The following GALNT15 variants were observed in gnomAD, a reference collection of about 807,000 sequenced individuals.
GALNT15 encodes UDP-GalNAc transferase T15.
Under a neutral mutation model 66.8 loss-of-function variants are expected in GALNT15, and 67 were observed. The observed-to-expected ratio is 1.00, with a 90% CI of 0.82 to 1.23. GALNT15 has a LOEUF of 1.23. Among genes scored for constraint, GALNT15 ranks in the 50% most tolerant of loss-of-function variants. The pLI is 0.00. For synonymous variants in GALNT15, 313 were observed against 311.5 expected, an observed-to-expected ratio of 1.00 and a Z score of -0.05; for missense variants, 827 against 804.3, an observed-to-expected ratio of 1.03 and a Z score of -0.34.
chr3:16,239,171 C>T, the GALNT15 span, among the ~76,000 whole-genome samples: 1 of 152,136 alleles, frequency 6.6e-6, no homozygotes, highest in Non-Finnish European at 1.5e-5. This position sits in a 1 kb window ranked among gnomAD's most constrained non-coding sequence, Gnocchi z 5.2. Context: ...CAAGATCTTT[C>T]CCAGAAGCCC....
chr3:16,206,488 C>T (rs2063757902), intron 3 of GALNT15, among the ~76,000 whole-genome samples: 1 of 151,484 alleles, frequency 6.6e-6, no homozygotes, highest in Non-Finnish European at 1.5e-5. Flanking sequence ...TCCTGGCTAA[C>T]ACGGTGAAAA....
At position 16,175,347 on chromosome 3, in the gene GALNT15, G is replaced by A; in HGVS notation, c.196G>A (p.Asp66Asn). ...RYRLDFGESQ[D>N]WVLEAEDEGE... ...CCGCCTGGACTTTGGGGAATCCCAG[G>A]ATTGGGTACTGGAAGCTGAGGATGA... is the stretch of plus-strand genomic sequence containing the variant. Residue 66 changes from aspartate (D) to asparagine (N), a missense_variant, in exon 1 of 10, where the codon GAT becomes AAT. Transcript: ENST00000339732. This position sits in a 1 kb window ranked among gnomAD's most constrained non-coding sequence, Gnocchi z 5.6. 1 of 1,614,208 alleles carries A rather than the reference G, an allele frequency of 6.2e-7. No homozygotes were observed. The highest frequency in any genetic ancestry group is 1.1e-5 in the South Asian group (1 of 91,076).
Position 16,200,895 on chromosome 3 carries a change from C to A in GALNT15, c.911+72C>A. On this transcript the variant is annotated intron_variant, in intron 3 of 9. Coordinates refer to ENST00000339732, the MANE Select transcript of GALNT15 (RefSeq NM_054110.5). The surrounding 1 kb of genome is among the most constrained non-coding windows in gnomAD (Gnocchi z 4.4). ...AACAGTCTACAGCATCAGCCACTCA[C>A]AGAGCAACCCACCTATTAATTCCTG... 1.7e-6 allele frequency: 2 copies of A among 1,144,394 alleles called. No homozygotes were observed. Among genetic ancestry groups the A allele is most frequent in the South Asian group, 1.6e-5 (1 of 61,722 alleles). The allele number at this position is 1,144,394 out of a possible 1,614,324, so 70.9% of individuals were successfully genotyped here. A position where few individuals can be genotyped will look rare whatever the true frequency, so the allele number is the denominator to read the frequency against.
Position 16,186,882 on chromosome 3 carries a change from CTTTATA to C in GALNT15, c.540-8877_540-8872del, listed in dbSNP as rs2063521999. Among the ~76,000 whole-genome samples, 1 of 152,066 alleles carries C rather than the reference CTTTATA, an allele frequency of 6.6e-6. No individual in the cohort carries two copies. The highest frequency in any genetic ancestry group is 1.5e-5 in the Non-Finnish European group (1 of 68,010). ...TTAGACAGTGGTGATGGCTGCACAC[CTTTATA>C]CTTGAATCCATGGAATTGTACACTT... On this transcript the variant is annotated intron_variant, in intron 1 of 9. Transcript: ENST00000339732. This position sits in a 1 kb window ranked among gnomAD's most constrained non-coding sequence, Gnocchi z 5.1.
rs1357778738 is a variant in GALNT15 at position 16,209,674 on chromosome 3, T to C, written c.1079+1004T>C. ...CTCTACTAAAATTACAAAAAAAAATTAGCTGGGCATGGTAGCACACTCCTG... is the reference window on the plus strand; with the variant it reads ...CTCTACTAAAATTACAAAAAAAAATCAGCTGGGCATGGTAGCACACTCCTG... On this transcript the variant is annotated intron_variant, in intron 4 of 9. Coordinates refer to ENST00000339732, the MANE Select transcript of GALNT15 (RefSeq NM_054110.5). This position sits in a 1 kb window ranked among gnomAD's most constrained non-coding sequence, Gnocchi z 4.1. 2.0e-5 allele frequency among the ~76,000 whole-genome samples: 3 copies of C among 151,954 alleles called. No homozygotes were observed. The highest frequency in any genetic ancestry group is 7.3e-5 in the African/African-American group (3 of 41,362).
Position 16,176,133 on chromosome 3 carries a change from G to T in GALNT15, c.539+443G>T, listed in dbSNP as rs371720269. ...CTGACTCCACTACATTTTGATTTTA[G>T]GGTTATTGTTAGTGTTTGCTTTTAG... On this transcript the variant is annotated intron_variant, in intron 1 of 9. Coordinates refer to ENST00000339732, the MANE Select transcript of GALNT15 (RefSeq NM_054110.5). The surrounding 1 kb of genome is among the most constrained non-coding windows in gnomAD (Gnocchi z 5.6). Among the ~76,000 whole-genome samples the T allele has an allele frequency of 1.3e-5, 2 of 152,286 alleles. No individual in the cohort carries two copies. The highest frequency in any genetic ancestry group is 3.9e-4 in the East Asian group (2 of 5,188).
chr3:16,227,694 TA>T lies in GALNT15; in HGVS notation c.*209del, dbSNP rs4035393. 66,288 of 1,217,606 alleles carry T rather than the reference TA, an allele frequency of 0.054. 113 individuals carry two copies. Among genetic ancestry groups the T allele is most frequent in the African/African-American group, 0.094 (5,943 of 62,924 alleles). 75.4% of individuals were successfully genotyped at this position (1,217,606 alleles called of 1,614,324 possible). ...TTATTTCATTGACTGCTGGCTGCTTTAAAAAAAAAAAAAAAGGATCCATTGT... is the reference window on the plus strand; with the variant it reads ...TTATTTCATTGACTGCTGGCTGCTTTAAAAAAAAAAAAAAGGATCCATTGT... On this transcript the variant is annotated 3_prime_UTR_variant, in exon 10 of 10. Transcript: ENST00000339732. This position sits in a 1 kb window ranked among gnomAD's most constrained non-coding sequence, Gnocchi z 4.5.
downstream of GALNT15, among the ~76,000 whole-genome samples, chr3:16,232,857 G>T (rs1474374370): frequency 4.0e-5 from 6 of 151,782 alleles, no homozygotes; most frequent in African/African-American, 1.5e-4. Flanking sequence ...GTAGGTCTGT[G>T]TGGGGCGTGA....
chr3:16,202,771 T>G (rs187240465), intron 3 of GALNT15, among the ~76,000 whole-genome samples: 1 of 152,328 alleles, frequency 6.6e-6, no homozygotes, highest in Admixed American at 6.5e-5. Flanking sequence ...TCCCATCTGA[T>G]TCCCATTCTG....
rs7609818 is a variant in GALNT15, at chr3:16,181,540, G to A, written c.539+5850G>A. Among the ~76,000 whole-genome samples, 245 of 152,166 alleles carry A rather than the reference G, an allele frequency of 1.6e-3. 9 individuals carry two copies. Among genetic ancestry groups the A allele is most frequent in the Non-Finnish European group, 1.8e-3 (122 of 68,004 alleles). On this transcript the variant is annotated intron_variant, in intron 1 of 9. Coordinates refer to ENST00000339732, the MANE Select transcript of GALNT15 (RefSeq NM_054110.5). The surrounding 1 kb of genome is among the most constrained non-coding windows in gnomAD (Gnocchi z 5.9). Reference sequence around the variant, plus strand: ...AGTAGAAGATGGTGTTGCAATCCACGCGGGGTCCACTCAGTTCCCTGTGAA... The same window carrying A: ...AGTAGAAGATGGTGTTGCAATCCACACGGGGTCCACTCAGTTCCCTGTGAA...
At position 16,200,738 on chromosome 3, in the gene GALNT15, G is replaced by A. The variant is rs1336664374; in HGVS notation, c.826G>A (p.Gly276Arg). 43 of 1,612,698 alleles carry A rather than the reference G, an allele frequency of 2.7e-5. No homozygotes were observed. The highest frequency in any genetic ancestry group is 3.6e-5 in the Non-Finnish European group (42 of 1,179,506). ...ARMLGATRAT[G>R]DVLVFMDAHC... is the part of the protein sequence containing the mutation. ...GATGCTGGGGGCCACCAGAGCCACC[G>A]GGGATGTGCTCGTCTTCATGGATGC... The change falls in exon 3 of 10, where the codon GGG becomes AGG. Residue 276 changes from glycine to arginine, a missense_variant. Coordinates refer to ENST00000339732, the MANE Select transcript of GALNT15 (RefSeq NM_054110.5). This position sits in a 1 kb window ranked among gnomAD's most constrained non-coding sequence, Gnocchi z 4.4.
chr3:16,208,992 C>A (rs2063785626), intron 4 of GALNT15, among the ~76,000 whole-genome samples: 1 of 152,102 alleles, frequency 6.6e-6, no homozygotes, highest in Admixed American at 6.6e-5. Flanking sequence ...CAGTTAATGC[C>A]CCAGTGTGTG....
chr3:16,190,374 G>C (rs1471130132), intron 1 of GALNT15, among the ~76,000 whole-genome samples: 8 of 152,140 alleles, frequency 5.3e-5, no homozygotes, highest in African/African-American at 1.2e-4. Flanking sequence ...CATGGTGGCT[G>C]ACGCCTGTAA....
Position 16,227,580 on chromosome 3 carries a change from T to C in GALNT15, c.*80T>C. ...GAACTTAAAGAGCTTATATATTTCA[T>C]GAAGCTGATCCTTTTGTGTGTGTGC... is the stretch of plus-strand genomic sequence containing the variant. On this transcript the variant is annotated 3_prime_UTR_variant, in exon 10 of 10. Transcript: ENST00000339732. The surrounding 1 kb of genome is among the most constrained non-coding windows in gnomAD (Gnocchi z 4.5). 4.3e-6 allele frequency: 7 copies of C among 1,610,396 alleles called. No individual in the cohort carries two copies. Among genetic ancestry groups the C allele is most frequent in the Non-Finnish European group, 5.1e-6 (6 of 1,178,936 alleles).
Position 16,187,163 on chromosome 3 carries a change from C to A in GALNT15, c.540-8597C>A, listed in dbSNP as rs2063526078. ...CCTGTAATCCCAGCTACTCAGGAGG[C>A]TGAGGTGGGAGAATCGCCTGAACCT... On this transcript the variant is annotated intron_variant, in intron 1 of 9. Transcript: ENST00000339732. This position sits in a 1 kb window ranked among gnomAD's most constrained non-coding sequence, Gnocchi z 5.1. 6.6e-6 allele frequency among the ~76,000 whole-genome samples: 1 copy of A among 152,048 alleles called. No homozygotes were observed. The highest frequency in any genetic ancestry group is 2.4e-5 in the African/African-American group (1 of 41,390).
chr3:16,242,161 C>T, the GALNT15 span, among the ~76,000 whole-genome samples: 1 of 152,232 alleles, frequency 6.6e-6, no homozygotes, highest in Non-Finnish European at 1.5e-5. This position sits in a 1 kb window ranked among gnomAD's most constrained non-coding sequence, Gnocchi z 5.6. Context: ...TCTCCTCCAG[C>T]ATACTCCTTT....
Position 16,227,618 on chromosome 3 carries a change from G to A in GALNT15, c.*118G>A. 6.4e-7 allele frequency: 1 copy of A among 1,557,796 alleles called. No homozygotes were observed. Among genetic ancestry groups the A allele is most frequent in the Non-Finnish European group, 8.6e-7 (1 of 1,160,042 alleles). On this transcript the variant is annotated 3_prime_UTR_variant, in exon 10 of 10. Coordinates refer to ENST00000339732, the MANE Select transcript of GALNT15 (RefSeq NM_054110.5). This position sits in a 1 kb window ranked among gnomAD's most constrained non-coding sequence, Gnocchi z 4.5. The stretch of plus-strand genomic sequence containing the variant: ...TTTGTGTGTGTGCTCCTGGTGTTAG[G>A]AGAGAAAAAAGCTCTATGAAAGAAT...
intron 6 of GALNT15, among the ~76,000 whole-genome samples, chr3:16,218,708 G>A (rs1365475932): frequency 6.6e-6 from 1 of 151,362 alleles, no homozygotes; most frequent in Non-Finnish European, 1.5e-5. Context: ...GAGGCCCCTC[G>A]TAGTTTCTCC....
intron 3 of GALNT15, 77 bp from the exon 4 acceptor site, chr3:16,208,426 A>T (rs2063779957): frequency 6.8e-7 from 1 of 1,462,266 alleles, no homozygotes; most frequent in African/African-American, 1.4e-5. Context: ...CATACTGGGC[A>T]GCCCATGTAC....
Sources: gnomAD v4.1 joint callset for allele counts (sites outside exome capture counted in the v4.1 genomes callset) on GRCh38, gnomAD v4.1.1 for gene constraint, Gnocchi (gnomAD v3.1) non-coding constraint, MANE v1.5 for transcripts, NCBI Gene and HGNC (gene_info 2026-07-23, HGNC 2026-07-21) for gene names.